Variants in PARD3B observed in about 807,000 individuals in gnomAD.
PARD3B encodes the protein par-3 family cell polarity regulator beta, also known as partitioning defective 3 homolog B.
A neutral mutation model predicts 130.2 loss-of-function variants in PARD3B; 103 were observed. That is an observed-to-expected ratio of 0.79 (90% CI 0.67 to 0.93). The LOEUF (loss-of-function observed/expected upper bound fraction) is 0.93. PARD3B is among the 40% of genes least tolerant of loss of function. PARD3B has a pLI of 0.00. For missense variants in PARD3B, 1,609 were observed against 1,499.2 expected, an observed-to-expected ratio of 1.07 and a Z score of -1.21; for synonymous variants, 583 against 553.2, an observed-to-expected ratio of 1.05 and a Z score of -0.76.
chr2:205,086,219 A>G (rs1374712769), intron 4 of PARD3B, among the ~76,000 whole-genome samples: 1 of 152,204 alleles, frequency 6.6e-6, no homozygotes, highest in Admixed American at 6.5e-5. Flanking sequence ...AACAAGCCCT[A>G]CTGGTTTTTC....
intron 16 of PARD3B, among the ~76,000 whole-genome samples, chr2:205,255,189 G>A (rs1271833149): frequency 6.7e-6 from 1 of 148,794 alleles, no homozygotes; most frequent in Non-Finnish European, 1.5e-5. Context: ...TTCTCAGGCA[G>A]GCTCTCTCTT....
intron 2 of PARD3B, among the ~76,000 whole-genome samples, chr2:204,798,913 C>T (rs967712178): frequency 4.0e-5 from 6 of 151,746 alleles, no homozygotes; most frequent in Non-Finnish European, 8.8e-5. Flanking sequence ...TTGGTTGAGA[C>T]TCAGAGGCAT....
chr2:205,404,691 A>G (rs1452869648), intron 19 of PARD3B, among the ~76,000 whole-genome samples: 1 of 152,082 alleles, frequency 6.6e-6, no homozygotes, highest in African/African-American at 2.4e-5. Flanking sequence ...CTTTAAAAAA[A>G]AAATGGAGAC....
chr2:204,836,429 A>G lies in PARD3B; in HGVS notation c.223-128723A>G, dbSNP rs190390986. ...TGTAATCCTAGCACTTTGGGAGGCC[A>G]AGGCACGTGAATTGCCAGAGCTCAG... On this transcript the variant is annotated intron_variant, in intron 2 of 22. Coordinates refer to ENST00000406610, the MANE Select transcript of PARD3B (RefSeq NM_001302769.2). 4.3e-3 allele frequency among the ~76,000 whole-genome samples: 653 copies of G among 152,254 alleles called. 4 individuals carry two copies. Among genetic ancestry groups the G allele is most frequent in the African/African-American group, 0.015 (625 of 41,552 alleles).
chr2:204,546,694 C>A (rs535462121), intron 1 of PARD3B, among the ~76,000 whole-genome samples: 1 of 152,292 alleles, frequency 6.6e-6, no homozygotes, highest in East Asian at 1.9e-4. Flanking sequence ...GCTTAGCCAA[C>A]CTGTCTACAT....
At chr2:205,316,273 A>G (rs1414650900) in intron 18 of PARD3B, among the ~76,000 whole-genome samples, 3 of 152,052 alleles carry the variant, frequency 2.0e-5, no homozygotes, top group African/African-American at 7.2e-5. Context: ...TTAACTGGCA[A>G]TAGTAACTAG....
chr2:204,607,122 G>A (rs568032173), intron 1 of PARD3B, among the ~76,000 whole-genome samples: 6 of 152,014 alleles, frequency 3.9e-5, no homozygotes, highest in South Asian at 2.1e-4. Flanking sequence ...CAAGTTAAGC[G>A]TGTTTAATAA....
In PARD3B at chr2:204,760,643, C is replaced by T. The variant is rs111527479; in HGVS notation, c.222+74361C>T. Among the ~76,000 whole-genome samples the T allele has an allele frequency of 4.2e-3, 634 of 152,152 alleles. 3 individuals are homozygous for T. The highest frequency in any genetic ancestry group is 0.014 in the African/African-American group (576 of 41,538). ...CTGGTTCATTATTAAACTTATCTCTCTTTTAAATACCTTGCCAATTTTTGA... is the reference window on the plus strand; with the variant it reads ...CTGGTTCATTATTAAACTTATCTCTTTTTTAAATACCTTGCCAATTTTTGA... On this transcript the variant is annotated intron_variant, in intron 2 of 22. Transcript: ENST00000406610.
chr2:205,085,395 G>A (rs1701682986), intron 4 of PARD3B, among the ~76,000 whole-genome samples: 1 of 151,632 alleles, frequency 6.6e-6, no homozygotes, highest in Non-Finnish European at 1.5e-5. Flanking sequence ...GAATCTCCGT[G>A]TTTCATTATT....
Position 205,160,900 on chromosome 2 carries a change from G to A in PARD3B, c.1620+1993G>A, listed in dbSNP as rs2034468373. ...CTGACTCCAGAACCTGCGTTATGCT[G>A]CACTGAAATGAAGCTCTTCCATATG... On this transcript the variant is annotated intron_variant, in intron 11 of 22. Transcript: ENST00000406610. This position sits in a 1 kb window ranked among gnomAD's most constrained non-coding sequence, Gnocchi z 4.0. 6.6e-6 allele frequency among the ~76,000 whole-genome samples: 1 copy of A among 152,126 alleles called. No individual in the cohort carries two copies. The highest frequency in any genetic ancestry group is 2.4e-5 in the African/African-American group (1 of 41,414).
At position 205,253,524 on chromosome 2, in the gene PARD3B, C is replaced by T. The variant is rs2039947143; in HGVS notation, c.2185+7702C>T. Reference sequence around the variant, plus strand: ...TACCTGGGGAAGCAGGAGAGACTCACACTGCTGTCATGGCCCCACAGCCTG... The same window carrying T: ...TACCTGGGGAAGCAGGAGAGACTCATACTGCTGTCATGGCCCCACAGCCTG... On this transcript the variant is annotated intron_variant, in intron 16 of 22. Transcript: ENST00000406610. This position sits in a 1 kb window ranked among gnomAD's most constrained non-coding sequence, Gnocchi z 4.4. 1.8e-6 allele frequency: 1 copy of T among 542,176 alleles called. No individual in the cohort carries two copies. Among genetic ancestry groups the T allele is most frequent in the Non-Finnish European group, 3.7e-6 (1 of 266,826 alleles). 33.6% of individuals were successfully genotyped at this position (542,176 alleles called of 1,614,324 possible).
chr2:204,740,528 C>A (rs927102277), intron 2 of PARD3B, among the ~76,000 whole-genome samples: 2 of 152,180 alleles, frequency 1.3e-5, no homozygotes, highest in Non-Finnish European at 2.9e-5. Flanking sequence ...GGCAGGGATG[C>A]CTGGTCTCTG....
At chr2:205,544,799 G>A (rs1296343220) in intron 21 of PARD3B, among the ~76,000 whole-genome samples, 1 of 152,160 alleles carries the variant, frequency 6.6e-6, no homozygotes, top group Non-Finnish European at 1.5e-5. Flanking sequence ...CTATATTAAT[G>A]AGGTGTTAGT....
chr2:205,616,095 C>T lies in PARD3B; in HGVS notation c.*282C>T, dbSNP rs80303579. The T allele has an allele frequency of 0.086, 34,545 of 403,692 alleles. 1,799 individuals carry two copies. Among genetic ancestry groups the T allele is most frequent in the Non-Finnish European group, 0.11 (24,773 of 226,180 alleles). The allele number at this position is 403,692 out of a possible 1,614,324, so 25.0% of individuals were successfully genotyped here. On this transcript the variant is annotated 3_prime_UTR_variant, in exon 23 of 23. Transcript: ENST00000406610. Reference sequence around the variant, plus strand: ...GAGTTGTTCAAATCAGTGAGAGTGGCAACGGAACACACAAACAACTAATTA... The same window carrying T: ...GAGTTGTTCAAATCAGTGAGAGTGGTAACGGAACACACAAACAACTAATTA...
At chr2:205,318,878 C>A (rs975363842) in intron 18 of PARD3B, among the ~76,000 whole-genome samples, 11 of 152,154 alleles carry the variant, frequency 7.2e-5, no homozygotes, top group African/African-American at 2.7e-4. Flanking sequence ...ATGGCCAGGC[C>A]TGATTCCTCT....
intron 1 of PARD3B, among the ~76,000 whole-genome samples, chr2:204,602,596 A>G (rs1001100375): frequency 6.6e-6 from 1 of 151,504 alleles, no homozygotes; most frequent in East Asian, 1.9e-4. Flanking sequence ...ACCTTTTTCC[A>G]TTGTCACAGA....
chr2:205,093,124 C>A (rs911381991), intron 4 of PARD3B, among the ~76,000 whole-genome samples: 5 of 152,232 alleles, frequency 3.3e-5, no homozygotes, highest in Non-Finnish European at 5.9e-5. Context: ...TTGTCATATT[C>A]ATCTTTGAAT....
chr2:205,072,898 C>T (rs1325348485), intron 4 of PARD3B, among the ~76,000 whole-genome samples: 1 of 152,036 alleles, frequency 6.6e-6, no homozygotes, highest in Admixed American at 6.5e-5. Context: ...ACCATTAGCT[C>T]CTTAAGGATA....
chr2:204,996,689 G>A (rs7578033), intron 3 of PARD3B, among the ~76,000 whole-genome samples: 46,035 of 147,760 alleles, frequency 0.31, 7,382 homozygotes, highest in Admixed American at 0.42. Context: ...CCTCGTTGCC[G>A]CCTTGCAGTT....
Sources: allele counts gnomAD v4.1 joint callset (sites outside exome capture counted in the v4.1 genomes callset), GRCh38; gene constraint gnomAD v4.1.1; non-coding constraint Gnocchi (gnomAD v3.1); transcripts MANE v1.5; gene names NCBI Gene and HGNC (gene_info 2026-07-23, HGNC 2026-07-21).